FBLN1: variants seen among roughly 807,000 people sequenced by gnomAD.
FBLN1 encodes the protein fibulin 1, also known as fibulin-1.
Under a neutral mutation model 89.7 loss-of-function variants are expected in FBLN1, and 34 were observed. The observed-to-expected ratio is 0.38, with a 90% CI of 0.29 to 0.50. FBLN1 has a LOEUF of 0.50. Among genes scored for constraint, FBLN1 ranks in the 20% least tolerant of loss-of-function variants. The pLI is 0.92. For missense variants in FBLN1, 777 were observed against 988.1 expected (o/e 0.79, Z 2.86); for synonymous variants, 393 against 391.3 (o/e 1.00, Z -0.05).
intron 8 of FBLN1, among the ~76,000 whole-genome samples, chr22:45,535,920 C>T (rs1028879018): frequency 6.6e-6 from 1 of 152,202 alleles, no homozygotes; most frequent in African/African-American, 2.4e-5. Flanking sequence ...CAGTGGGTCA[C>T]GCCTGTAATC....
At position 45,577,096 on chromosome 22, in the gene FBLN1, G is replaced by A. The variant is rs2089004072; in HGVS notation, c.1960G>A (p.Gly654Ser). 5.0e-6 allele frequency: 8 copies of A among 1,613,950 alleles called. No individual in the cohort carries two copies. The highest frequency in any genetic ancestry group is 2.2e-5 in the East Asian group (1 of 44,888). Residue 654 changes from glycine (G) to serine (S), a missense_variant, in exon 16 of 17, where the codon GGC (glycine) becomes AGC (serine). By Grantham distance (56) the Gly-to-Ser change is moderately conservative (BLOSUM62 0). Coordinates refer to ENST00000327858, the MANE Select transcript of FBLN1 (RefSeq NM_006486.3). The surrounding 1 kb of genome is among the most constrained non-coding windows in gnomAD (Gnocchi z 6.6). ...TGACATCATCAAGCGTTACATGGAC[G>A]GCATGACCGTGGGTGAGTGGCTGGG... ...SFDIIKRYMD[G>S]MTVGVVRQVR...
chr22:45,594,085 G>A (rs2089162522), intron 16 of FBLN1, among the ~76,000 whole-genome samples: 1 of 150,720 alleles, frequency 6.6e-6, no homozygotes, highest in Non-Finnish European at 1.5e-5. Context: ...TGGCACATGA[G>A]ACATGGCAAA....
rs371058860 is a variant in FBLN1 at position 45,550,640 on chromosome 22, G to A, written c.1697+25G>A. 1.3e-4 allele frequency: 207 copies of A among 1,613,962 alleles called. No homozygotes were observed. In the African/African-American group the frequency reaches 2.2e-3, roughly 17 times the overall value. On this transcript the variant is annotated intron_variant, in intron 14 of 16. Coordinates refer to ENST00000327858, the MANE Select transcript of FBLN1 (RefSeq NM_006486.3). The surrounding 1 kb of genome is among the most constrained non-coding windows in gnomAD (Gnocchi z 8.4). ...CGTAAGTCCCTTGGACCATGCCATCGTCGTCTGTCTGTGTTGGCCTTCCTG... is the reference window on the plus strand; with the variant it reads ...CGTAAGTCCCTTGGACCATGCCATCATCGTCTGTCTGTGTTGGCCTTCCTG...
rs572604280 is a variant in FBLN1 at position 45,519,799 on chromosome 22, A to G, written c.185+1012A>G. Among the ~76,000 whole-genome samples the G allele has an allele frequency of 4.3e-3, 651 of 152,272 alleles. 3 individuals carry two copies. Among genetic ancestry groups the G allele is most frequent in the Non-Finnish European group, 6.4e-3 (434 of 68,034 alleles). On this transcript the variant is annotated intron_variant, in intron 2 of 16. Coordinates refer to ENST00000327858, the MANE Select transcript of FBLN1 (RefSeq NM_006486.3). ...GGACAAGGGCTGGGGAGGTGGACCA[A>G]CCTGGTTGGGTTTCAGGCTGGGTGA...
intron 14 of FBLN1, chr22:45,564,943 G>A (rs370094108): frequency 2.1e-5 from 34 of 1,614,040 alleles, no homozygotes; most frequent in Non-Finnish European, 2.5e-5. Flanking sequence ...GAGGACTGCA[G>A]GGTTCTTCCA....
Position 45,585,096 on chromosome 22 carries a change from T to C in FBLN1, c.1972+7988T>C, listed in dbSNP as rs560819758. 2.6e-5 allele frequency among the ~76,000 whole-genome samples: 4 copies of C among 152,130 alleles called. No individual in the cohort carries two copies. The South Asian group carries it at 6.2e-4, about 24-fold the overall frequency. The stretch of plus-strand genomic sequence containing the variant: ...GCTTGTGGTTTAGGGGTTGGTGTCA[T>C]CCCAGTTCATGTCTGAGAGAGAGAG... On this transcript the variant is annotated intron_variant, in intron 16 of 16. Coordinates refer to ENST00000327858, the MANE Select transcript of FBLN1 (RefSeq NM_006486.3).
Position 45,590,135 on chromosome 22 carries a change from T to G in FBLN1, c.1973-10172T>G, listed in dbSNP as rs927717046. 6.6e-6 allele frequency among the ~76,000 whole-genome samples: 1 copy of G among 152,316 alleles called. No homozygotes were observed. The highest frequency in any genetic ancestry group is 1.9e-4 in the East Asian group (1 of 5,174). ...CAGCAAGTGCTCTGTGCTTGTCAGATAGAGAAGAGAGGGCTCTGCTCTGAC... is the reference window on the plus strand; with the variant it reads ...CAGCAAGTGCTCTGTGCTTGTCAGAGAGAGAAGAGAGGGCTCTGCTCTGAC... On this transcript the variant is annotated intron_variant, in intron 16 of 16. Coordinates refer to ENST00000327858, the MANE Select transcript of FBLN1 (RefSeq NM_006486.3). The surrounding 1 kb of genome is among the most constrained non-coding windows in gnomAD (Gnocchi z 4.1).
At chr22:45,542,781 C>T (rs2088573974) in intron 10 of FBLN1, among the ~76,000 whole-genome samples, 1 of 152,232 alleles carries the variant, frequency 6.6e-6, no homozygotes, top group African/African-American at 2.4e-5. Context: ...AAAGTGGGCA[C>T]TTTGCTAGAT....
Position 45,577,121 on chromosome 22 carries a change from G to C in FBLN1, c.1972+13G>C, listed in dbSNP as rs2089004379. On this transcript the variant is annotated intron_variant, in intron 16 of 16. Coordinates refer to ENST00000327858, the MANE Select transcript of FBLN1 (RefSeq NM_006486.3). The surrounding 1 kb of genome is among the most constrained non-coding windows in gnomAD (Gnocchi z 6.6). ...GGCATGACCGTGGGTGAGTGGCTGGGAATATCAGCTCTATCCAGGCACCCC... is the reference window on the plus strand; with the variant it reads ...GGCATGACCGTGGGTGAGTGGCTGGCAATATCAGCTCTATCCAGGCACCCC... 6.2e-7 allele frequency: 1 copy of C among 1,613,742 alleles called. No individual in the cohort carries two copies. Among genetic ancestry groups the C allele is most frequent in the Non-Finnish European group, 8.5e-7 (1 of 1,179,966 alleles).
At chr22:45,514,648 C>A (rs1271114185) in intron 1 of FBLN1, among the ~76,000 whole-genome samples, 1 of 152,330 alleles carries the variant, frequency 6.6e-6, no homozygotes, top group East Asian at 1.9e-4. Context: ...CTTGCCCCAG[C>A]AGCCTTTGCA....
intron 10 of FBLN1, 47 bp from the exon 11 acceptor site, chr22:45,543,353 GC>G: frequency 6.2e-7 from 1 of 1,605,964 alleles, no homozygotes; most frequent in Non-Finnish European, 8.5e-7. Flanking sequence ...GGAGTGTGGT[GC>G]CACTGTGTTG....
intron 1 of FBLN1, among the ~76,000 whole-genome samples, chr22:45,509,776 G>A (rs2088073413): frequency 6.6e-6 from 1 of 152,136 alleles, no homozygotes; most frequent in Admixed American, 6.5e-5. Context: ...TTCCATCAGG[G>A]TCTCTGTGGT....
chr22:45,511,107 A>G (rs142014466), intron 1 of FBLN1, among the ~76,000 whole-genome samples: 22 of 151,146 alleles, frequency 1.5e-4, no homozygotes, highest in African/African-American at 5.1e-4. Context: ...TCCTGTGGTC[A>G]GTGTGCTAAT....
chr22:45,569,253 T>C (rs5764788), intron 14 of FBLN1, among the ~76,000 whole-genome samples: 100,818 of 152,060 alleles, frequency 0.66, 33,608 homozygotes, highest in African/African-American at 0.75. Context: ...CTAAAGTCCC[T>C]ATCTCCAAAT....
In FBLN1 at chr22:45,572,223, TA is replaced by T. The variant is rs1257172810; in HGVS notation, c.1698-2284del. Among the ~76,000 whole-genome samples, 1 of 152,064 alleles carries T rather than the reference TA, an allele frequency of 6.6e-6. No individual in the cohort carries two copies. The highest frequency in any genetic ancestry group is 1.5e-5 in the Non-Finnish European group (1 of 67,992). Reference sequence around the variant, plus strand: ...ATGGTTGATTCCAGGTCTTGGGCAGTAAAAGTGTAAAATGAGGCTGGATCAT... The same window carrying T: ...ATGGTTGATTCCAGGTCTTGGGCAGTAAAGTGTAAAATGAGGCTGGATCAT... On this transcript the variant is annotated intron_variant, in intron 14 of 16. Coordinates refer to ENST00000327858, the MANE Select transcript of FBLN1 (RefSeq NM_006486.3). This position sits in a 1 kb window ranked among gnomAD's most constrained non-coding sequence, Gnocchi z 5.8.
intron 14 of FBLN1, among the ~76,000 whole-genome samples, chr22:45,567,224 G>A (rs531321145): frequency 9.5e-4 from 145 of 152,340 alleles, no homozygotes; most frequent in South Asian, 2.1e-3. Context: ...CACAGAGCCC[G>A]CTCTGCCATT....
chr22:45,547,228 G>T (rs898817787), intron 12 of FBLN1, 24 bp downstream of exon 12: 2 of 1,612,392 alleles, frequency 1.2e-6, no homozygotes, highest in Non-Finnish European at 1.7e-6. Context: ...TGCCTGCTGA[G>T]GGGGAAAGCA....
chr22:45,598,351 TTAGA>T (rs2089203459), intron 16 of FBLN1, among the ~76,000 whole-genome samples: 1 of 152,182 alleles, frequency 6.6e-6, no homozygotes, highest in Non-Finnish European at 1.5e-5. Flanking sequence ...GAGCCACCTG[TTAGA>T]TAGTTACCCC....
intron 2 of FBLN1, among the ~76,000 whole-genome samples, chr22:45,524,684 G>C (rs2088296676): frequency 6.6e-6 from 1 of 151,620 alleles, no homozygotes; most frequent in African/African-American, 2.4e-5. Flanking sequence ...CAGGAACATT[G>C]TGCGGGTGAA....
Sources: gnomAD v4.1 joint callset for allele counts (sites outside exome capture counted in the v4.1 genomes callset) on GRCh38, gnomAD v4.1.1 for gene constraint, Gnocchi (gnomAD v3.1) non-coding constraint, MANE v1.5 for transcripts, NCBI Gene and HGNC (gene_info 2026-07-23, HGNC 2026-07-21) for gene names.